The following CHD5 variants were observed in gnomAD, a reference collection of about 807,000 sequenced individuals.
CHD5 encodes chromodomain helicase DNA binding protein 5, also known as ATP-dependent chromatin remodeler CHD5.
CHD5 carries 69 observed loss-of-function variants against 230.3 expected under a neutral mutation model. The ratio of observed to expected loss-of-function variants is 0.30; its 90% confidence interval spans 0.25 to 0.37. The LOEUF (loss-of-function observed/expected upper bound fraction) is 0.37, where lower values mean the gene tolerates loss of function less well. Ranked by LOEUF, CHD5 falls within the 10% of genes least tolerant of loss-of-function variation. The pLI is 1.00. For missense variants in CHD5, 1,827 were observed against 2,622.8 expected, an observed-to-expected ratio of 0.70 and a Z score of 6.63; for synonymous variants, 1,064 against 1,065.9, an observed-to-expected ratio of 1.00 and a Z score of 0.03.
Position 6,129,400 on chromosome 1 carries a change from C to A in CHD5, c.3388-331G>T, listed in dbSNP as rs946345838. Reference sequence around the variant, plus strand: ...GAAGCCACACAGAGCTTCGTGGGGGCCACGGGGAGGTAGGAGGCTGCATTT... The same window carrying A: ...GAAGCCACACAGAGCTTCGTGGGGGACACGGGGAGGTAGGAGGCTGCATTT... On this transcript the variant is annotated intron_variant, in intron 22 of 41. Transcript: ENST00000262450. This position sits in a 1 kb window ranked among gnomAD's most constrained non-coding sequence, Gnocchi z 6.8. Among the ~76,000 whole-genome samples, 3 of 152,122 alleles carry A rather than the reference C, an allele frequency of 2.0e-5. No homozygotes were observed. The highest frequency in any genetic ancestry group is 4.8e-5 in the African/African-American group (2 of 41,412).
At position 6,128,013 on chromosome 1, in the gene CHD5, G is replaced by A; in HGVS notation, c.3903+33C>T. 6.5e-7 allele frequency: 1 copy of A among 1,545,330 alleles called. No individual in the cohort carries two copies. The highest frequency in any genetic ancestry group is 1.2e-5 in the South Asian group (1 of 83,602). On this transcript the variant is annotated intron_variant, in intron 25 of 41. Coordinates refer to ENST00000262450, the MANE Select transcript of CHD5 (RefSeq NM_015557.3). The surrounding 1 kb of genome is among the most constrained non-coding windows in gnomAD (Gnocchi z 7.8). ...GGGCGGGGCTGCGGATGGAGGGCGG[G>A]GCTGCGGATGGAGGGCGGGCCGGGG... is the stretch of plus-strand genomic sequence containing the variant.
At position 6,109,860 on chromosome 1, in the gene CHD5, C is replaced by T. The variant is rs1666257179; in HGVS notation, c.5513G>A (p.Ser1838Asn). The change falls in exon 38 of 42, where the codon AGC (serine) becomes AAC (asparagine). Residue 1838 changes from serine (S) to asparagine (N), a missense_variant. This residue lies in a region of CHD5 where 208 missense variants were observed against 302.0 expected (regional missense o/e 0.69). Coordinates refer to ENST00000262450, the MANE Select transcript of CHD5 (RefSeq NM_015557.3). ...RLAEVECLAE[S>N]HQHLSKESLA... ...GGACTCCTTGGACAGGTGCTGGTGGCTCTCGGCGAGGCACTCCACTTCAGC... is the reference window on the plus strand; with the variant it reads ...GGACTCCTTGGACAGGTGCTGGTGGTTCTCGGCGAGGCACTCCACTTCAGC... 1 of 1,612,874 alleles carries T rather than the reference C, an allele frequency of 6.2e-7. No homozygotes were observed. The highest frequency in any genetic ancestry group is 8.5e-7 in the Non-Finnish European group (1 of 1,179,714).
At chr1:6,176,118 C>A (rs1051232126) in intron 1 of CHD5, among the ~76,000 whole-genome samples, 4 of 152,144 alleles carry the variant, frequency 2.6e-5, no homozygotes, top group African/African-American at 7.2e-5. Flanking sequence ...AGCCACTGGG[C>A]AAAGTGTGCT....
rs772460224 is a variant in CHD5, at chr1:6,125,245, G to A, written c.4261-12C>T. The A allele has an allele frequency of 1.9e-6, 3 of 1,597,824 alleles. No homozygotes were observed. Among genetic ancestry groups the A allele is most frequent in the Admixed American group, 1.7e-5 (1 of 59,248 alleles). On this transcript the variant is annotated splice_polypyrimidine_tract_variant and intron_variant, in intron 28 of 41. Coordinates refer to ENST00000262450, the MANE Select transcript of CHD5 (RefSeq NM_015557.3). This position sits in a 1 kb window ranked among gnomAD's most constrained non-coding sequence, Gnocchi z 6.7. ...TTGAAGCCCAGCACCTGGGCGAGTG[G>A]AGCGTGGGAGTATGAGCCCAGGACA...
intron 33 of CHD5, among the ~76,000 whole-genome samples, chr1:6,118,603 G>C (rs1666414050): frequency 6.6e-6 from 1 of 152,076 alleles, no homozygotes; most frequent in Non-Finnish European, 1.5e-5. Flanking sequence ...TGGGTAAGAA[G>C]AATTTATTTT....
chr1:6,118,698 A>G (rs890382045), intron 33 of CHD5, among the ~76,000 whole-genome samples: 8 of 141,730 alleles, frequency 5.6e-5, no homozygotes, highest in East Asian at 2.3e-4. Flanking sequence ...GGTATACTTC[A>G]TTACTTTTTT....
chr1:6,165,598 CAGA>C (rs1178311741), intron 2 of CHD5, among the ~76,000 whole-genome samples: 2 of 152,056 alleles, frequency 1.3e-5, no homozygotes, highest in East Asian at 3.9e-4. Context: ...GGGATGGCAG[CAGA>C]GCAAGATTTT....
intron 37 of CHD5, 99 bp from the exon 38 acceptor site, chr1:6,110,089 G>C: frequency 8.4e-7 from 1 of 1,187,042 alleles, no homozygotes; most frequent in Non-Finnish European, 1.1e-6. Flanking sequence ...CCGGCAGAAA[G>C]GAGGGAAAGA....
Position 6,142,663 on chromosome 1 carries a change from C to A in CHD5, c.2044-58G>T. On this transcript the variant is annotated intron_variant, in intron 13 of 41. Transcript: ENST00000262450. This position sits in a 1 kb window ranked among gnomAD's most constrained non-coding sequence, Gnocchi z 5.2. ...AGATCCTGGGCCACCAGAGTCCACA[C>A]TACAGGCCTTTGCACATGCAATTCC... 6.5e-7 allele frequency: 1 copy of A among 1,531,614 alleles called. No homozygotes were observed. Among genetic ancestry groups the A allele is most frequent in the South Asian group, 1.2e-5 (1 of 81,790 alleles). 94.9% of individuals were successfully genotyped at this position (1,531,614 alleles called of 1,614,324 possible). A position where few individuals can be genotyped will look rare whatever the true frequency, so the allele number is the denominator to read the frequency against.
In CHD5 at chr1:6,155,776, T is replaced by A. The variant is rs528405647; in HGVS notation, c.388-59A>T. ...AGGGGCCTTCTGACCTGCACCCCCA[T>A]CCCCAGGGTCTCTGCCTAGGAGGCT... On this transcript the variant is annotated intron_variant, in intron 3 of 41. Coordinates refer to ENST00000262450, the MANE Select transcript of CHD5 (RefSeq NM_015557.3). The surrounding 1 kb of genome is among the most constrained non-coding windows in gnomAD (Gnocchi z 4.0). 5.8e-5 allele frequency: 77 copies of A among 1,327,756 alleles called. No homozygotes were observed. In the African/African-American group the frequency reaches 1.0e-3, roughly 17 times the overall value. 82.2% of individuals were successfully genotyped at this position (1,327,756 alleles called of 1,614,324 possible). A position where few individuals can be genotyped will look rare whatever the true frequency, so the allele number is the denominator to read the frequency against.
Position 6,126,986 on chromosome 1 carries a change from C to G in CHD5, c.3904-240G>C, listed in dbSNP as rs978658742. ...TCCATTCACAAAGCAAGTATTTCCTCGCCTCCTGTCAAGCACTGAGGTACT... is the reference window on the plus strand; with the variant it reads ...TCCATTCACAAAGCAAGTATTTCCTGGCCTCCTGTCAAGCACTGAGGTACT... On this transcript the variant is annotated intron_variant, in intron 25 of 41. Coordinates refer to ENST00000262450, the MANE Select transcript of CHD5 (RefSeq NM_015557.3). The surrounding 1 kb of genome is among the most constrained non-coding windows in gnomAD (Gnocchi z 5.7). 5.4e-6 allele frequency: 3 copies of G among 559,322 alleles called. No individual in the cohort carries two copies. The highest frequency in any genetic ancestry group is 6.1e-5 in the East Asian group (2 of 33,030). 34.6% of individuals were successfully genotyped at this position (559,322 alleles called of 1,614,324 possible).
chr1:6,113,146 C>A, intron 33 of CHD5, 148 bp from the exon 34 acceptor site: 2 of 654,158 alleles, frequency 3.1e-6, no homozygotes, highest in Non-Finnish European at 5.4e-6. Flanking sequence ...TCTCCTCGGC[C>A]AGGTGCAGTG....
At chr1:6,135,687 GAGTTGATACAGTCC>G in intron 17 of CHD5, among the ~76,000 whole-genome samples, 1 of 152,148 alleles carries the variant, frequency 6.6e-6, no homozygotes, top group Non-Finnish European at 1.5e-5. Flanking sequence ...ATGAGTGCCC[GAGTTGATACAGTCC>G]AGCTGTGCCA....
chr1:6,144,271 G>A (rs981182543), intron 11 of CHD5, 116 bp from the exon 12 acceptor site: 1 of 1,422,100 alleles, frequency 7.0e-7, no homozygotes, highest in Non-Finnish European at 9.7e-7. Flanking sequence ...TCGGATGCTG[G>A]GCCCAGCCAG....
At position 6,128,681 on chromosome 1, in the gene CHD5, GAC is replaced by G; in HGVS notation, c.3620-74_3620-73del. On this transcript the variant is annotated intron_variant, in intron 23 of 41. Coordinates refer to ENST00000262450, the MANE Select transcript of CHD5 (RefSeq NM_015557.3). This position sits in a 1 kb window ranked among gnomAD's most constrained non-coding sequence, Gnocchi z 7.8. ...GCAGGGTTGGCGGGCAGTGCCCAGA[GAC>G]ACCACCCTGGGCTGTCCTAGCCAGG... 7.3e-7 allele frequency: 1 copy of G among 1,370,962 alleles called. No homozygotes were observed. 84.9% of individuals were successfully genotyped at this position (1,370,962 alleles called of 1,614,324 possible). A position where few individuals can be genotyped will look rare whatever the true frequency, so the allele number is the denominator to read the frequency against.
intron 18 of CHD5, 145 bp downstream of exon 18, chr1:6,135,084 AG>A (rs1666718055): frequency 3.0e-6 from 3 of 1,014,688 alleles, no homozygotes. Context: ...ACCTGAGAAG[AG>A]GCCCCACGAA....
chr1:6,150,117 T>C (rs367782227), intron 7 of CHD5, among the ~76,000 whole-genome samples: 43 of 149,710 alleles, frequency 2.9e-4, no homozygotes, highest in African/African-American at 8.7e-4. Context: ...AAAGGATGGA[T>C]AGATGAATGA....
intron 15 of CHD5, among the ~76,000 whole-genome samples, chr1:6,138,487 T>C (rs1044454754): frequency 1.8e-4 from 27 of 152,122 alleles, no homozygotes; most frequent in Non-Finnish European, 3.5e-4. Context: ...TTTGCACCGG[T>C]CTCCCCCAGT....
chr1:6,161,522 C>T (rs992335765), intron 2 of CHD5, among the ~76,000 whole-genome samples: 5 of 152,238 alleles, frequency 3.3e-5, no homozygotes, highest in African/African-American at 1.2e-4. Context: ...GGCAGCAGGG[C>T]CTCTGTGCTC....
Sources: gnomAD v4.1 joint callset for allele counts (sites outside exome capture counted in the v4.1 genomes callset) on GRCh38, gnomAD v4.1.1 for gene constraint, gnomAD v4.1.1 regional missense constraint, Gnocchi (gnomAD v3.1) non-coding constraint, MANE v1.5 for transcripts, NCBI Gene and HGNC (gene_info 2026-07-23, HGNC 2026-07-21) for gene names.